The following IQSEC2 variants were observed in gnomAD, a reference collection of about 807,000 sequenced individuals.
IQSEC2 encodes the protein IQ motif and Sec7 domain ArfGEF 2, also known as IQ motif and SEC7 domain-containing protein 2.
IQSEC2 carries 6 observed loss-of-function variants against 74.6 expected under a neutral mutation model. That is an observed-to-expected ratio of 0.08 (90% CI 0.04 to 0.16). IQSEC2 has a LOEUF of 0.16. IQSEC2 is among the 10% of genes least tolerant of loss of function. The pLI is 1.00. For missense variants in IQSEC2, 734 were observed against 1,306.2 expected (o/e 0.56, Z 6.75); for synonymous variants, 494 against 544.5 (o/e 0.91, Z 1.29).
At position 53,234,785 on chromosome X, in the gene IQSEC2, G is replaced by A; in HGVS notation, c.3901C>T (p.Pro1301Ser). ...GGCGGTGGAATGGAGCCCAGCTGGGGCAAGGGTGGGGGCTGCTGGGGAGGT... is the reference window on the plus strand; with the variant it reads ...GGCGGTGGAATGGAGCCCAGCTGGGACAAGGGTGGGGGCTGCTGGGGAGGT... The part of the protein sequence containing the change: ...PPPPQQPPPL[P>S]QLGSIPPPPA... Residue 1301 changes from proline (P) to serine (S), a missense_variant, in exon 15 of 15, where the codon CCC (proline) becomes TCC (serine). Pro to Ser is a moderately conservative substitution (Grantham distance 74). Around this residue, in one of 12 missense-constraint regions of IQSEC2, gnomAD observed 249 missense variants for 467.9 expected, o/e 0.53. Coordinates refer to ENST00000642864, the MANE Select transcript of IQSEC2 (RefSeq NM_001111125.3). 3 of 1,024,798 alleles carry A rather than the reference G, an allele frequency of 2.9e-6. No individual in the cohort carries two copies. The highest frequency in any genetic ancestry group is 3.8e-6 in the Non-Finnish European group (3 of 790,889). The allele number at this position is 1,024,798 out of a possible 1,213,427, so 84.5% of individuals were successfully genotyped here.
rs782319736 is a variant in IQSEC2 at position 53,320,499 on chromosome X, C to A, written c.625G>T (p.Ala209Ser). The A allele has an allele frequency of 1.7e-6, 2 of 1,162,335 alleles. No individual in the cohort carries two copies. Among genetic ancestry groups the A allele is most frequent in the Admixed American group, 2.6e-5 (1 of 38,626 alleles). ...PRERGQLSRG[A>S]SRSSSPGAGG... ...GCGCCGGGACTGGAGCTCCTGGATG[C>A]GCCACGGCTCAGCTGGCCCCGCTCC... The change falls in exon 1 of 15, where the codon GCA becomes TCA. Residue 209 changes from alanine (A) to serine (S), a missense_variant. Around this residue, in one of 12 missense-constraint regions of IQSEC2, gnomAD observed 134 missense variants for 214.9 expected, o/e 0.62. Coordinates refer to ENST00000642864, the MANE Select transcript of IQSEC2 (RefSeq NM_001111125.3).
intron 1 of IQSEC2, among the ~76,000 whole-genome samples, chrX:53,293,274 T>C (rs1304317209): frequency 8.9e-6 from 1 of 111,840 alleles, no homozygotes; most frequent in African/African-American, 3.3e-5. Flanking sequence ...GTGTCAGGGC[T>C]TTGCCTTGTA....
Position 53,321,173 on chromosome X carries a change from C to G in IQSEC2, c.-50G>C. The G allele has an allele frequency of 4.9e-6, 4 of 821,808 alleles. No individual in the cohort carries two copies. Among genetic ancestry groups the G allele is most frequent in the Non-Finnish European group, 6.9e-6 (4 of 579,225 alleles). 67.7% of individuals were successfully genotyped at this position (821,808 alleles called of 1,213,427 possible). On this transcript the variant is annotated 5_prime_UTR_variant, in exon 1 of 15. Transcript: ENST00000642864. ...CGGGCAGGAGAGCCCTGTCCCCGCT[C>G]TCTCACGGCGCCACCCTCCCCCGGG...
intron 1 of IQSEC2, among the ~76,000 whole-genome samples, chrX:53,293,950 A>G (rs1250248316): frequency 8.9e-6 from 1 of 111,745 alleles, no homozygotes; most frequent in African/African-American, 3.3e-5. Flanking sequence ...ACAAAGGTCA[A>G]AATGACTTGC....
chrX:53,317,943 C>T (rs1462979227), intron 1 of IQSEC2, among the ~76,000 whole-genome samples: 2 of 112,196 alleles, frequency 1.8e-5, no homozygotes, highest in African/African-American at 3.2e-5. Context: ...GTCAACTCCC[C>T]ACTCATCCCA....
intron 2 of IQSEC2, among the ~76,000 whole-genome samples, chrX:53,286,791 T>C (rs1186696799): frequency 9.2e-6 from 1 of 109,220 alleles, no homozygotes; most frequent in Non-Finnish European, 1.9e-5. Context: ...AATACAAAAA[T>C]TAGCTGGGTG....
chrX:53,268,749 T>C (rs782385188), intron 2 of IQSEC2, among the ~76,000 whole-genome samples: 1 of 112,006 alleles, frequency 8.9e-6, no homozygotes, highest in Non-Finnish European at 1.9e-5. Flanking sequence ...TCTCCCACCA[T>C]ATGGCCTCAC....
chrX:53,307,643 G>A (rs936125317), intron 1 of IQSEC2, among the ~76,000 whole-genome samples: 123 of 107,652 alleles, frequency 1.1e-3, no homozygotes, highest in Non-Finnish European at 1.7e-3. Flanking sequence ...GGTGGCTCAC[G>A]CCTGTAATCC....
At chrX:53,256,795 G>A (rs1469005049) in intron 2 of IQSEC2, among the ~76,000 whole-genome samples, 1 of 112,730 alleles carries the variant, frequency 8.9e-6, no homozygotes, top group African/African-American at 3.2e-5. Context: ...GAGCAGCCCT[G>A]CGGGGCAGCT....
At chrX:53,269,586 TC>T (rs1157799945) in intron 2 of IQSEC2, among the ~76,000 whole-genome samples, 1 of 108,879 alleles carries the variant, frequency 9.2e-6, no homozygotes, top group East Asian at 2.9e-4. Flanking sequence ...TGCCCCCACA[TC>T]CCCCTCTGTC....
chrX:53,235,671 G>A (rs782577172), intron 14 of IQSEC2, 112 bp downstream of exon 14: 14 of 804,472 alleles, frequency 1.7e-5, no homozygotes, highest in Admixed American at 5.3e-5. Flanking sequence ...AGAGGCAGCC[G>A]CATGGTTCCC....
Position 53,290,342 on chromosome X carries a change from C to T in IQSEC2, c.737+1553G>A, listed in dbSNP as rs184520984. On this transcript the variant is annotated intron_variant, in intron 2 of 14. Transcript: ENST00000642864. ...TATCATCACATGACTTATGATTATG[C>T]TCGTTATTAAATGTCCTGAGCTCTA... Among the ~76,000 whole-genome samples the T allele has an allele frequency of 4.0e-4, 45 of 112,272 alleles. 1 individual carries two copies. In the East Asian group the frequency reaches 8.1e-3, roughly 20 times the overall value.
chrX:53,252,990 G>A (rs1346148975), intron 4 of IQSEC2, among the ~76,000 whole-genome samples: 2 of 111,827 alleles, frequency 1.8e-5, no homozygotes, highest in Non-Finnish European at 3.8e-5. Flanking sequence ...ACACAGAAGA[G>A]ATGTTCAATT....
intron 2 of IQSEC2, among the ~76,000 whole-genome samples, chrX:53,277,707 G>A (rs1192599006): frequency 9.0e-6 from 1 of 111,510 alleles, no homozygotes; most frequent in Non-Finnish European, 1.9e-5. Flanking sequence ...GTCTTGCTCT[G>A]TTACCCAGGC....
chrX:53,274,496 C>CT (rs2074795883), intron 2 of IQSEC2, among the ~76,000 whole-genome samples: 1 of 67,255 alleles, frequency 1.5e-5, no homozygotes. Flanking sequence ...GAGTCTTGCT[C>CT]TGTTGCCCAG....
chrX:53,238,080 G>A, intron 12 of IQSEC2, 65 bp downstream of exon 12: 1 of 1,098,271 alleles, frequency 9.1e-7, no homozygotes, highest in Non-Finnish European at 1.2e-6. Context: ...CTGAGGATAG[G>A]ATTCTTGGTT....
In IQSEC2 at chrX:53,266,995, G is replaced by A. The variant is rs1556867829; in HGVS notation, c.738-10934C>T. On this transcript the variant is annotated intron_variant, in intron 2 of 14. Coordinates refer to ENST00000642864, the MANE Select transcript of IQSEC2 (RefSeq NM_001111125.3). ...GAGAGGAGGGACTACTGCACTCGGA[G>A]GCCGGACAGCAGAACTGGTGAGCGT... The A allele has an allele frequency of 5.2e-6, 6 of 1,152,651 alleles. No individual in the cohort carries two copies. The East Asian group carries it at 1.6e-4, about 31-fold the overall frequency. 95.0% of individuals were successfully genotyped at this position (1,152,651 alleles called of 1,213,427 possible). A position where few individuals can be genotyped will look rare whatever the true frequency, so the allele number is the denominator to read the frequency against.
chrX:53,249,506 G>A (rs1556862763), intron 5 of IQSEC2, among the ~76,000 whole-genome samples: 1 of 111,714 alleles, frequency 9.0e-6, no homozygotes, highest in African/African-American at 3.3e-5. Flanking sequence ...TATGACTTTG[G>A]ACAATTCCTT....
chrX:53,310,418 A>AC (rs1356827803), intron 1 of IQSEC2, among the ~76,000 whole-genome samples: 1 of 110,629 alleles, frequency 9.0e-6, no homozygotes, highest in Non-Finnish European at 1.9e-5. Flanking sequence ...CAAACAAAAA[A>AC]CTTGAGAAAT....
Sources: gnomAD v4.1 joint callset for allele counts (sites outside exome capture counted in the v4.1 genomes callset) on GRCh38, gnomAD v4.1.1 for gene constraint, gnomAD v4.1.1 regional missense constraint, MANE v1.5 for transcripts, NCBI Gene and HGNC (gene_info 2026-07-23, HGNC 2026-07-21) for gene names.